The following TMEM107 variants were observed in gnomAD, a reference collection of about 807,000 sequenced individuals.
TMEM107 encodes transmembrane protein 107.
TMEM107 carries 18 observed loss-of-function variants against 16.8 expected under a neutral mutation model. The observed-to-expected ratio is 1.07, with a 90% CI of 0.74 to 1.59. TMEM107 has a LOEUF of 1.59. TMEM107 is among the 40% of genes most tolerant of loss of function. TMEM107 has a pLI of 0.00. For missense variants in TMEM107, 152 were observed against 175.4 expected, an observed-to-expected ratio of 0.87 and a Z score of 0.75; for synonymous variants, 68 against 71.6, an observed-to-expected ratio of 0.95 and a Z score of 0.25.
rs755735189 is a variant in TMEM107 at position 8,173,554 on chromosome 17, A to AC, written c.*648_*649insG. On this transcript the variant is annotated 3_prime_UTR_variant, in exon 5 of 5. Coordinates refer to ENST00000437139, the MANE Select transcript of TMEM107 (RefSeq NM_183065.4). ...CATCATGTTCTAATCTGCCCTCCGG[A>AC]GGAGGAACAGGTAAGGATTATCCCA... The AC allele has an allele frequency of 2.6e-6, 2 of 765,360 alleles. No individual in the cohort carries two copies. The highest frequency in any genetic ancestry group is 4.8e-6 in the Non-Finnish European group (2 of 417,994). 47.4% of individuals were successfully genotyped at this position (765,360 alleles called of 1,614,324 possible).
rs200604383 is a variant in TMEM107 at position 8,174,166 on chromosome 17, T to C, written c.*37A>G. 2.7e-5 allele frequency: 43 copies of C among 1,598,608 alleles called. No homozygotes were observed. The highest frequency in any genetic ancestry group is 3.5e-5 in the Non-Finnish European group (41 of 1,166,030). ...AGGAATACGAAGCGGCCCTTGCCCC[T>C]GTAGGCTTCGTCCTTAGGTTCCCGT... On this transcript the variant is annotated 3_prime_UTR_variant, in exon 5 of 5. Coordinates refer to ENST00000437139, the MANE Select transcript of TMEM107 (RefSeq NM_183065.4).
Position 8,172,866 on chromosome 17 carries a change from A to AAAC in TMEM107, c.*1336_*1337insGTT, listed in dbSNP as rs1298671946. Among the ~76,000 whole-genome samples the AAAC allele has an allele frequency of 2.7e-5, 4 of 148,296 alleles. No homozygotes were observed. The highest frequency in any genetic ancestry group is 3.0e-5 in the Non-Finnish European group (2 of 66,752). On this transcript the variant is annotated 3_prime_UTR_variant, in exon 5 of 5. Transcript: ENST00000437139. Reference sequence around the variant, plus strand: ...GAGTGAGACTGTCTCAAAAAAAAAAAAAAAAAAAACCAAAAGAGGGGGGTG... The same window carrying AAAC: ...GAGTGAGACTGTCTCAAAAAAAAAAAAACAAAAAAAAACCAAAAGAGGGGGGTG...
intron 4 of TMEM107, 44 bp from the exon 5 acceptor site, chr17:8,174,316 T>TA: frequency 6.4e-7 from 1 of 1,567,864 alleles, no homozygotes; most frequent in Non-Finnish European, 8.8e-7. Flanking sequence ...TCAGTATAAA[T>TA]ACCCAAATCT....
chr17:8,173,513 T>G lies in TMEM107; in HGVS notation c.*690A>C, dbSNP rs533335254. The G allele has an allele frequency of 7.8e-6, 6 of 765,232 alleles. No homozygotes were observed. The highest frequency in any genetic ancestry group is 2.4e-5 in the East Asian group (1 of 41,262). 47.4% of individuals were successfully genotyped at this position (765,232 alleles called of 1,614,324 possible). On this transcript the variant is annotated 3_prime_UTR_variant, in exon 5 of 5. Transcript: ENST00000437139. ...GATTACGCAGAGACGTTAATCACGT[T>G]TCATGCATCTCCAATCATCATGTTC...
Position 8,173,629 on chromosome 17 carries a change from T to A in TMEM107, c.*574A>T, listed in dbSNP as rs746190352. The A allele has an allele frequency of 1.3e-6, 1 of 746,632 alleles. No homozygotes were observed. The highest frequency in any genetic ancestry group is 1.4e-5 in the South Asian group (1 of 72,754). 46.3% of individuals were successfully genotyped at this position (746,632 alleles called of 1,614,324 possible). On this transcript the variant is annotated 3_prime_UTR_variant, in exon 5 of 5. Coordinates refer to ENST00000437139, the MANE Select transcript of TMEM107 (RefSeq NM_183065.4). ...ACATTCTGCACTCAGTGAAAAAGAT[T>A]CCGTTACAAGCTAGGGTGAGTTCAT...
Position 8,174,165 on chromosome 17 carries a change from CT to C in TMEM107, c.*37del, listed in dbSNP as rs1466735552. On this transcript the variant is annotated 3_prime_UTR_variant, in exon 5 of 5. Transcript: ENST00000437139. Reference sequence around the variant, plus strand: ...CAGGAATACGAAGCGGCCCTTGCCCCTGTAGGCTTCGTCCTTAGGTTCCCGT... The same window carrying C: ...CAGGAATACGAAGCGGCCCTTGCCCCGTAGGCTTCGTCCTTAGGTTCCCGT... 5 of 1,597,156 alleles carry C rather than the reference CT, an allele frequency of 3.1e-6. No individual in the cohort carries two copies. Among genetic ancestry groups the C allele is most frequent in the Non-Finnish European group, 4.3e-6 (5 of 1,164,540 alleles).
chr17:8,175,467 T>G, intron 3 of TMEM107: 1 of 597,588 alleles, frequency 1.7e-6, no homozygotes, highest in Non-Finnish European at 3.0e-6. Context: ...AACGGTGGGG[T>G]TTTTATTATT....
chr17:8,174,252 T>A lies in TMEM107; in HGVS notation c.374A>T (p.Glu125Val), dbSNP rs761706473. ...VFCSALPAVT[E>V]MALFVTVFGL... ...AAAGACGGTGACGAATAAAGCCATT[T>A]CAGTGACAGCTGGAAGGGCACTACC... Residue 125 changes from glutamate to valine, a missense_variant, in exon 5 of 5, where the codon GAA becomes GTA. Coordinates refer to ENST00000437139, the MANE Select transcript of TMEM107 (RefSeq NM_183065.4). 3.1e-6 allele frequency: 5 copies of A among 1,614,180 alleles called. No individual in the cohort carries two copies. Among genetic ancestry groups the A allele is most frequent in the Admixed American group, 1.7e-5 (1 of 60,012 alleles).
chr17:8,173,412 T>A lies in TMEM107; in HGVS notation c.*791A>T. The A allele has an allele frequency of 1.3e-6, 1 of 744,398 alleles. No individual in the cohort carries two copies. Among genetic ancestry groups the A allele is most frequent in the Non-Finnish European group, 2.5e-6 (1 of 405,152 alleles). 46.1% of individuals were successfully genotyped at this position (744,398 alleles called of 1,614,324 possible). Reference sequence around the variant, plus strand: ...CTTCATAGCTATGTTTGTGGATATCTGCTAATCAGCATAACACAAATGTAA... The same window carrying A: ...CTTCATAGCTATGTTTGTGGATATCAGCTAATCAGCATAACACAAATGTAA... On this transcript the variant is annotated 3_prime_UTR_variant, in exon 5 of 5. Coordinates refer to ENST00000437139, the MANE Select transcript of TMEM107 (RefSeq NM_183065.4).
chr17:8,174,684 T>G (rs1161930411), intron 3 of TMEM107, 68 bp from the exon 4 acceptor site: 1 of 1,359,326 alleles, frequency 7.4e-7, no homozygotes, highest in African/African-American at 1.4e-5. Flanking sequence ...AAAAGGCCAG[T>G]GGTGGGGCTG....
chr17:8,173,818 T>C lies in TMEM107; in HGVS notation c.*385A>G, dbSNP rs1983901825. The C allele has an allele frequency of 2.0e-6, 1 of 504,734 alleles. No homozygotes were observed. Among genetic ancestry groups the C allele is most frequent in the South Asian group, 2.7e-5 (1 of 37,246 alleles). The allele number at this position is 504,734 out of a possible 1,614,324, so 31.3% of individuals were successfully genotyped here. A position where few individuals can be genotyped will look rare whatever the true frequency, so the allele number is the denominator to read the frequency against. On this transcript the variant is annotated 3_prime_UTR_variant, in exon 5 of 5. Transcript: ENST00000437139. ...AGTTACGTGCCGGACGTTCTAACTG[T>C]ACGCACTTTCTATTTACATATCTCC...
At chr17:8,175,363 T>A (rs1193399133) in intron 3 of TMEM107, 1 of 385,042 alleles carries the variant, frequency 2.6e-6, no homozygotes, top group Non-Finnish European at 4.8e-6. Flanking sequence ...CATCGCGCCC[T>A]GCCTGTGCTT....
In TMEM107 at chr17:8,173,373, T is replaced by C. The variant is rs763744882; in HGVS notation, c.*830A>G. ...CTGCAAAATAGACAAACAGCAAGGT[T>C]ATCCCAGTCAGAACTTCATAGCTAT... On this transcript the variant is annotated 3_prime_UTR_variant, in exon 5 of 5. Coordinates refer to ENST00000437139, the MANE Select transcript of TMEM107 (RefSeq NM_183065.4). The C allele has an allele frequency of 5.7e-5, 38 of 667,638 alleles. No homozygotes were observed. The highest frequency in any genetic ancestry group is 1.1e-4 in the African/African-American group (6 of 56,522). 41.4% of individuals were successfully genotyped at this position (667,638 alleles called of 1,614,324 possible).
chr17:8,174,513 A>C lies in TMEM107; in HGVS notation c.353+7T>G. 6.2e-7 allele frequency: 1 copy of C among 1,613,724 alleles called. No individual in the cohort carries two copies. On this transcript the variant is annotated splice_region_variant and intron_variant, in intron 4 of 4. Transcript: ENST00000437139. ...CCCTCATCCCCAAATATTGGATGCT[A>C]CCACACCTGCAGAAGACAAAAATGT... is the stretch of plus-strand genomic sequence containing the variant.
Position 8,172,873 on chromosome 17 carries a change from AAAC to A in TMEM107, c.*1327_*1329del, listed in dbSNP as rs1453625918. On this transcript the variant is annotated 3_prime_UTR_variant, in exon 5 of 5. Transcript: ENST00000437139. ...ACTGTCTCAAAAAAAAAAAAAAAAA[AAAC>A]CAAAAGAGGGGGGTGGTCAACATAC... 2.3e-4 allele frequency among the ~76,000 whole-genome samples: 35 copies of A among 149,144 alleles called. 2 individuals are homozygous for A. Among genetic ancestry groups the A allele is most frequent in the Non-Finnish European group, 4.6e-4 (31 of 67,088 alleles).
chr17:8,173,585 C>G lies in TMEM107; in HGVS notation c.*618G>C, dbSNP rs199964184. 2.2e-5 allele frequency: 17 copies of G among 763,924 alleles called. No individual in the cohort carries two copies. Among genetic ancestry groups the G allele is most frequent in the Admixed American group, 6.8e-5 (4 of 58,836 alleles). 47.3% of individuals were successfully genotyped at this position (763,924 alleles called of 1,614,324 possible). ...AACAGGTAAGGATTATCCCACCTGA[C>G]GATACAGACAAACAGCCGACATTCT... On this transcript the variant is annotated 3_prime_UTR_variant, in exon 5 of 5. Coordinates refer to ENST00000437139, the MANE Select transcript of TMEM107 (RefSeq NM_183065.4).
In TMEM107 at chr17:8,174,233, G is replaced by A. The variant is rs1184391086; in HGVS notation, c.393C>T (p.Thr131=). 18 of 1,614,110 alleles carry A rather than the reference G, an allele frequency of 1.1e-5. No homozygotes were observed. Among genetic ancestry groups the A allele is most frequent in the Non-Finnish European group, 1.5e-5 (18 of 1,180,004 alleles). Residue 131 remains threonine, a synonymous_variant, in exon 5 of 5, where the codon ACC becomes ACT. Coordinates refer to ENST00000437139, the MANE Select transcript of TMEM107 (RefSeq NM_183065.4). ...PAVTEMALFV[T]VFGLKKKPF The stretch of plus-strand genomic sequence containing the variant: ...AGGGTTTCTTTTTCAGCCCAAAGAC[G>A]GTGACGAATAAAGCCATTTCAGTGA...
chr17:8,173,479 G>T lies in TMEM107; in HGVS notation c.*724C>A, dbSNP rs200655899. On this transcript the variant is annotated 3_prime_UTR_variant, in exon 5 of 5. Transcript: ENST00000437139. ...ATCAGACAGGAGCAATCAGGGTGTT[G>T]CAAGTCCTGATTACGCAGAGACGTT... 6 of 764,856 alleles carry T rather than the reference G, an allele frequency of 7.8e-6. No homozygotes were observed. The highest frequency in any genetic ancestry group is 2.4e-5 in the East Asian group (1 of 41,246). The allele number at this position is 764,856 out of a possible 1,614,324, so 47.4% of individuals were successfully genotyped here. A position where few individuals can be genotyped will look rare whatever the true frequency, so the allele number is the denominator to read the frequency against.
At chr17:8,174,434 T>C in intron 4 of TMEM107, 86 bp downstream of exon 4, 1 of 1,416,900 alleles carries the variant, frequency 7.1e-7, no homozygotes, top group Admixed American at 1.7e-5. Flanking sequence ...ATCTCACACA[T>C]GGAGGAAAGG....
Sources: allele counts gnomAD v4.1 joint callset (sites outside exome capture counted in the v4.1 genomes callset), GRCh38; gene constraint gnomAD v4.1.1; transcripts MANE v1.5; gene names NCBI Gene and HGNC (gene_info 2026-07-23, HGNC 2026-07-21).